Variants in DPH6 observed in about 807,000 individuals in gnomAD.
DPH6 encodes diphthine--ammonia ligase.
Under a neutral mutation model 38.2 loss-of-function variants are expected in DPH6, and 33 were observed. The ratio of observed to expected loss-of-function variants is 0.86; its 90% CI spans 0.65 to 1.15. DPH6 has a LOEUF of 1.15. Ranked by LOEUF, DPH6 falls within the 50% of genes most tolerant of loss-of-function variation. The probability of loss-of-function intolerance (pLI) is 0.00; values close to 1 mark genes in which losing one functional copy is unlikely to be tolerated. For synonymous variants in DPH6, 108 were observed against 103.0 expected (o/e 1.05, Z -0.30); for missense variants, 325 against 320.0 (o/e 1.02, Z -0.12).
Position 35,450,777 on chromosome 15 carries a change from A to G in DPH6, c.413T>C (p.Leu138Ser). ...CTGGTTTCTCTGCCAAAGATAAGCT[A>G]AAGGCTGGAGATTAAGCCTTTTACA... ...NVCKRLNLQP[L>S]AYLWQRNQED... Residue 138 changes from leucine to serine, a missense_variant, in exon 5 of 9, where the codon TTA (leucine) becomes TCA (serine). Leu to Ser is a moderately radical substitution (Grantham distance 145, BLOSUM62 -2). Coordinates refer to ENST00000256538, the MANE Select transcript of DPH6 (RefSeq NM_080650.4). 1 of 1,611,940 alleles carries G rather than the reference A, an allele frequency of 6.2e-7. No homozygotes were observed. The highest frequency in any genetic ancestry group is 1.7e-4 in the Middle Eastern group (1 of 6,046).
At chr15:35,164,169 C>T in the DPH6 span, among the ~76,000 whole-genome samples, 1 of 151,794 alleles carries the variant, frequency 6.6e-6, no homozygotes. Flanking sequence ...CAGCTACCAG[C>T]ATGTTAACGG....
At chr15:35,324,279 T>C (rs543640302) in intron 3 of DPH6, among the ~76,000 whole-genome samples, 2 of 152,288 alleles carry the variant, frequency 1.3e-5, no homozygotes, top group South Asian at 2.1e-4. Context: ...AGTAGAGATA[T>C]AAGTGTATTG....
chr15:35,312,162 C>T (rs1356595084), intron 3 of DPH6, among the ~76,000 whole-genome samples: 1 of 151,982 alleles, frequency 6.6e-6, no homozygotes, highest in Non-Finnish European at 1.5e-5. Flanking sequence ...TTTTATGACG[C>T]ATGCAATTAT....
At chr15:35,220,035 CA>C (rs2051432346) in exon 4 of DPH6, 3 of 152,162 alleles carry the variant, frequency 2.0e-5, no homozygotes, top group African/African-American at 7.2e-5. Flanking sequence ...ATATTACCCA[CA>C]ATGACTTTGT....
intron 3 of DPH6, among the ~76,000 whole-genome samples, chr15:35,279,728 C>A (rs2051886087): frequency 6.6e-6 from 1 of 152,136 alleles, no homozygotes; most frequent in African/African-American, 2.4e-5. Context: ...GTGCAGCCTG[C>A]AGAACTGTGA....
rs1452066955 is a variant in DPH6, at chr15:35,496,568, ATATATAT to A, written c.312+41699_312+41705del. Among the ~76,000 whole-genome samples the A allele has an allele frequency of 9.1e-4, 46 of 50,686 alleles. 3 individuals carry two copies. The highest frequency in any genetic ancestry group is 3.8e-3 in the African/African-American group (41 of 10,830). 33.3% of individuals were successfully genotyped at this position (50,686 alleles called of 152,430 possible). On this transcript the variant is annotated intron_variant, in intron 3 of 8. Transcript: ENST00000256538. ...AAAGTTCCATCTCAAAAAAAAAAAAATATATATATATATATATATATATCCTCTACCA... is the reference window on the plus strand; with the variant it reads ...AAAGTTCCATCTCAAAAAAAAAAAAAATATATATATATATATCCTCTACCA...
intron 3 of DPH6, among the ~76,000 whole-genome samples, chr15:35,251,867 G>A (rs531174188): frequency 2.0e-5 from 3 of 152,332 alleles, no homozygotes; most frequent in African/African-American, 7.2e-5. Flanking sequence ...AGGTCGGTGT[G>A]GTGGCTCATG....
intron 3 of DPH6, among the ~76,000 whole-genome samples, chr15:35,365,629 C>T (rs2140912168): frequency 6.6e-6 from 1 of 152,220 alleles, no homozygotes; most frequent in East Asian, 1.9e-4. Context: ...TTATTATCCT[C>T]TCCCAAACTG....
At chr15:35,186,817 G>C in the DPH6 span, among the ~76,000 whole-genome samples, 3 of 152,080 alleles carry the variant, frequency 2.0e-5, no homozygotes, top group African/African-American at 7.2e-5. Flanking sequence ...GGAGAAACTG[G>C]GGCCCCTTTT....
intron 5 of DPH6, among the ~76,000 whole-genome samples, chr15:35,428,334 G>A (rs11853446): frequency 0.33 from 50,747 of 151,556 alleles, 9,968 homozygotes; most frequent in African/African-American, 0.56. Flanking sequence ...AGAGCCAGTT[G>A]CATATTGTTT....
intron 5 of DPH6, among the ~76,000 whole-genome samples, chr15:35,435,588 G>A (rs1369680739): frequency 6.6e-6 from 1 of 152,066 alleles, no homozygotes; most frequent in African/African-American, 2.4e-5. Context: ...CTGTGATGTG[G>A]GTGCATGTTG....
Position 35,338,896 on chromosome 15 carries a change from A to G in DPH6, n.208-7819T>C, listed in dbSNP as rs1431594982. Among the ~76,000 whole-genome samples the G allele has an allele frequency of 1.4e-4, 22 of 152,270 alleles. 4 individuals carry two copies. Among genetic ancestry groups the G allele is most frequent in the East Asian group, 5.8e-4 (3 of 5,170 alleles). Reference sequence around the variant, plus strand: ...TGTCCTTTGTAGGGACATGGATGAAATTGGAAACCATCATTCTCAGCAAAC... The same window carrying G: ...TGTCCTTTGTAGGGACATGGATGAAGTTGGAAACCATCATTCTCAGCAAAC... On this transcript the variant is annotated intron_variant and non_coding_transcript_variant, in intron 3 of 3. Coordinates refer to the DPH6 transcript ENST00000558973.
At chr15:35,464,352 A>G (rs923843689) in intron 3 of DPH6, among the ~76,000 whole-genome samples, 2 of 152,158 alleles carry the variant, frequency 1.3e-5, no homozygotes, top group African/African-American at 4.8e-5. Flanking sequence ...ATAACAGACC[A>G]CAAGGGAGAC....
At position 35,357,286 on chromosome 15, in the gene DPH6, T is replaced by C. The variant is rs141986664; in HGVS notation, n.207+16235A>G. 3.0e-4 allele frequency among the ~76,000 whole-genome samples: 45 copies of C among 152,298 alleles called. No individual in the cohort carries two copies. In the East Asian group the frequency reaches 8.3e-3, roughly 28 times the overall value. On this transcript the variant is annotated intron_variant and non_coding_transcript_variant, in intron 3 of 3. Coordinates refer to the DPH6 transcript ENST00000558973. Reference sequence around the variant, plus strand: ...CTCACACTCGGTGTGCTGCACCCACTGTCTTGCACCACTGTCCGACACTCC... The same window carrying C: ...CTCACACTCGGTGTGCTGCACCCACCGTCTTGCACCACTGTCCGACACTCC...
At chr15:35,409,926 T>C (rs766642434) in intron 6 of DPH6, among the ~76,000 whole-genome samples, 8 of 151,660 alleles carry the variant, frequency 5.3e-5, no homozygotes, top group Non-Finnish European at 1.2e-4. Context: ...GAATTAACAC[T>C]ATGAAAAAAA....
At chr15:35,431,466 G>C (rs968901994) in intron 5 of DPH6, among the ~76,000 whole-genome samples, 5 of 152,092 alleles carry the variant, frequency 3.3e-5, no homozygotes, top group African/African-American at 1.2e-4. Flanking sequence ...TTTTGACTTT[G>C]AGTCCAGTAC....
chr15:35,149,303 T>C, the DPH6 span, among the ~76,000 whole-genome samples: 1 of 152,190 alleles, frequency 6.6e-6, no homozygotes, highest in Non-Finnish European at 1.5e-5. Context: ...AGTGGCCCCA[T>C]CTCGGCTCAC....
At chr15:35,419,095 A>ACACACACACT (rs934658528) in intron 5 of DPH6, among the ~76,000 whole-genome samples, 1 of 151,150 alleles carries the variant, frequency 6.6e-6, no homozygotes, top group Non-Finnish European at 1.5e-5. Flanking sequence ...ACACACACAC[A>ACACACACACT]CTCTTGAAAT....
chr15:35,394,656 CT>C (rs1381404128), intron 6 of DPH6, among the ~76,000 whole-genome samples: 1 of 152,166 alleles, frequency 6.6e-6, no homozygotes, highest in Non-Finnish European at 1.5e-5. Flanking sequence ...CTGTCACTTT[CT>C]AGCTACATGA....
Sources: allele counts gnomAD v4.1 joint callset (sites outside exome capture counted in the v4.1 genomes callset), GRCh38; gene constraint gnomAD v4.1.1; transcripts MANE v1.5; gene names NCBI Gene and HGNC (gene_info 2026-07-23, HGNC 2026-07-21).